Variants in CBLIF observed in about 807,000 individuals in gnomAD.
The protein encoded by CBLIF is gastric intrinsic factor (vitamin B synthesis).
A neutral mutation model predicts 44.9 loss-of-function variants in CBLIF; 24 were observed. The observed-to-expected ratio is 0.53, with a 90% CI of 0.39 to 0.75. CBLIF has a LOEUF of 0.75. Among genes scored for constraint, CBLIF ranks in the 30% least tolerant of loss-of-function variants. CBLIF has a pLI of 0.00. For synonymous variants in CBLIF, 183 were observed against 190.9 expected (o/e 0.96, Z 0.34); for missense variants, 481 against 513.0 (o/e 0.94, Z 0.60).
intron 8 of CBLIF, 93 bp downstream of exon 8, chr11:59,831,585 A>G (rs1275406693): frequency 1.4e-6 from 1 of 722,606 alleles, no homozygotes; most frequent in Non-Finnish European, 2.5e-6. Context: ...ATTATTAATT[A>G]AGTGAATGAA....
intron 5 of CBLIF, chr11:59,840,872 T>G (rs1031935842): frequency 2.8e-6 from 1 of 355,534 alleles, no homozygotes; most frequent in Non-Finnish European, 5.2e-6. Flanking sequence ...AATTAATATA[T>G]TTCTTGATTT....
intron 7 of CBLIF, among the ~76,000 whole-genome samples, chr11:59,835,270 C>T (rs960002970): frequency 1.3e-5 from 2 of 151,920 alleles, no homozygotes; most frequent in Non-Finnish European, 2.9e-5. Flanking sequence ...CTCAGCCTCC[C>T]GAGTAGATGG....
rs772958661 is a variant in CBLIF, at chr11:59,842,442, C to T, written c.511+1G>A. On this transcript the variant is annotated splice_donor_variant, in intron 4 of 8. Coordinates refer to ENST00000257248, the MANE Select transcript of CBLIF (RefSeq NM_005142.3). LOFTEE classifies it high-confidence loss of function. ...GCTCGGGGTAGTGGTGACCTACTCACCTACATTGAAGGGAGAGGAGTTGGC... is the reference window on the plus strand; with the variant it reads ...GCTCGGGGTAGTGGTGACCTACTCATCTACATTGAAGGGAGAGGAGTTGGC... The T allele has an allele frequency of 1.2e-6, 2 of 1,613,602 alleles. No homozygotes were observed. Among genetic ancestry groups the T allele is most frequent in the East Asian group, 4.5e-5 (2 of 44,878 alleles).
At position 59,838,163 on chromosome 11, in the gene CBLIF, A is replaced by AT. The variant is rs113467307; in HGVS notation, c.694-813dup. Among the ~76,000 whole-genome samples the AT allele has an allele frequency of 5.5e-3, 835 of 152,082 alleles. 6 individuals are homozygous for AT. The highest frequency in any genetic ancestry group is 8.7e-3 in the Non-Finnish European group (593 of 67,994). Reference sequence around the variant, plus strand: ...CAGTGTATGTGAATAGTAAATCCTCATTTTTTTCTTGAGCTAAAAGGATTT... The same window carrying AT: ...CAGTGTATGTGAATAGTAAATCCTCATTTTTTTTCTTGAGCTAAAAGGATTT... On this transcript the variant is annotated intron_variant, in intron 5 of 8. Transcript: ENST00000257248.
At position 59,829,453 on chromosome 11, in the gene CBLIF, A is replaced by G. The variant is rs1371841341; in HGVS notation, c.*31T>C. 2.8e-6 allele frequency: 4 copies of G among 1,448,872 alleles called. No homozygotes were observed. Among genetic ancestry groups the G allele is most frequent in the Non-Finnish European group, 3.9e-6 (4 of 1,028,990 alleles). 89.8% of individuals were successfully genotyped at this position (1,448,872 alleles called of 1,614,324 possible). A position where few individuals can be genotyped will look rare whatever the true frequency, so the allele number is the denominator to read the frequency against. On this transcript the variant is annotated 3_prime_UTR_variant, in exon 9 of 9. Transcript: ENST00000257248. ...AAAAAATTTCACCCATCCTTTGGAG[A>G]TGTTTGATAGAAGCTGAACCCACCT...
rs780716026 is a variant in CBLIF, at chr11:59,841,204, C to A, written c.632G>T (p.Ser211Ile). 1.2e-6 allele frequency: 2 copies of A among 1,613,578 alleles called. No homozygotes were observed. The highest frequency in any genetic ancestry group is 1.7e-6 in the Non-Finnish European group (2 of 1,179,456). The change falls in exon 5 of 9, where the codon AGC becomes ATC. Residue 211 changes from serine (S) to isoleucine (I), a missense_variant. Physicochemically the swap from Ser to Ile is moderately radical, Grantham distance 142 (BLOSUM62 -2). Coordinates refer to ENST00000257248, the MANE Select transcript of CBLIF (RefSeq NM_005142.3). ...GATGCCATTATCTTTGATCTTCATG[C>A]TGATTTTCTCCACAATATCCTTTAG... ...QVLKDIVEKI[S>I]MKIKDNGIIG...
At position 59,845,481 on chromosome 11, in the gene CBLIF, C is replaced by G; in HGVS notation, c.-28G>C. ...CACTCTCTCGTCTATGTCTCTCATC[C>G]ACAGGTACCGCGATTTGCAAGTGGA... On this transcript the variant is annotated 5_prime_UTR_variant, in exon 1 of 9. Coordinates refer to ENST00000257248, the MANE Select transcript of CBLIF (RefSeq NM_005142.3). 2.1e-6 allele frequency: 3 copies of G among 1,428,870 alleles called. No individual in the cohort carries two copies. The highest frequency in any genetic ancestry group is 3.0e-6 in the Non-Finnish European group (3 of 1,011,954). 88.5% of individuals were successfully genotyped at this position (1,428,870 alleles called of 1,614,324 possible). A position where few individuals can be genotyped will look rare whatever the true frequency, so the allele number is the denominator to read the frequency against.
rs1409277085 is a variant in CBLIF at position 59,831,151 on chromosome 11, CA to C, written c.1192+526del. ...TTTAATATGTGTGCAAAAGCTTTAA[CA>C]AATGTTAAGGTTTTGCTGAAGTCTG... On this transcript the variant is annotated intron_variant, in intron 8 of 8. Coordinates refer to ENST00000257248, the MANE Select transcript of CBLIF (RefSeq NM_005142.3). 2.6e-5 allele frequency among the ~76,000 whole-genome samples: 4 copies of C among 152,200 alleles called. No homozygotes were observed. The East Asian group carries it at 7.7e-4, about 29-fold the overall frequency.
At chr11:59,843,205 A>G in intron 2 of CBLIF, 64 bp from the exon 3 acceptor site, 2 of 928,930 alleles carry the variant, frequency 2.2e-6, no homozygotes, top group Non-Finnish European at 3.6e-6. Flanking sequence ...TCCAGGAGCC[A>G]GTGATGAGTT....
rs149355084 is a variant in CBLIF, at chr11:59,837,342, C to T, written c.703G>A (p.Val235Ile). 72 of 1,611,702 alleles carry T rather than the reference C, an allele frequency of 4.5e-5. No homozygotes were observed. The highest frequency in any genetic ancestry group is 5.1e-5 in the Non-Finnish European group (60 of 1,177,910). The change falls in exon 6 of 9, where the codon GTA (valine) becomes ATA (isoleucine). Residue 235 changes from valine to isoleucine, a missense_variant. Coordinates refer to ENST00000257248, the MANE Select transcript of CBLIF (RefSeq NM_005142.3). The part of the protein sequence containing the change: ...STGLAMQALS[V>I]TPEPSKKEWN... ...TCCTTTTTAGATGGCTCAGGTGTTA[C>T]AGAGAGAGCCTGGGAAGGAAGACAG...
chr11:59,831,688 A>G lies in CBLIF; in HGVS notation c.1182T>C (p.Pro394=), dbSNP rs762929412. 7.0e-7 allele frequency: 1 copy of G among 1,434,016 alleles called. No individual in the cohort carries two copies. The highest frequency in any genetic ancestry group is 1.1e-5 in the South Asian group (1 of 87,380). The allele number at this position is 1,434,016 out of a possible 1,614,324, so 88.8% of individuals were successfully genotyped here. ...TYWQFLSGVT[P]LNEGVADYIP... ...CTTTTCTTCCCTCACCTTCATTCAA[A>G]GGTGTTACACCACTAAGAAACTGCC... is the stretch of plus-strand genomic sequence containing the variant. The change falls in exon 8 of 9, where the codon CCT becomes CCC. Residue 394 remains proline (P), a synonymous_variant. Transcript: ENST00000257248.
intron 7 of CBLIF, among the ~76,000 whole-genome samples, chr11:59,834,956 G>C (rs751720416): frequency 6.6e-6 from 1 of 151,856 alleles, no homozygotes; most frequent in African/African-American, 2.4e-5. Context: ...CTATTCTCAC[G>C]ACCTAAGCAA....
intron 5 of CBLIF, among the ~76,000 whole-genome samples, chr11:59,838,644 G>A (rs1485987256): frequency 6.6e-6 from 1 of 152,088 alleles, no homozygotes; most frequent in Non-Finnish European, 1.5e-5. Flanking sequence ...TTGCTTTAAG[G>A]GCCATCAGGT....
At chr11:59,830,210 T>G (rs183479017) in intron 8 of CBLIF, among the ~76,000 whole-genome samples, 23 of 151,546 alleles carry the variant, frequency 1.5e-4, no homozygotes, top group Admixed American at 1.5e-3. Flanking sequence ...ATGCCTGATT[T>G]AAGTTCCTGG....
rs115964827 is a variant in CBLIF, at chr11:59,843,888, C to T, written c.247G>A (p.Asp83Asn). 1,750 of 1,612,420 alleles carry T rather than the reference C, an allele frequency of 1.1e-3. 13 individuals carry two copies. The African/African-American group carries it at 0.019, about 18-fold the overall frequency. ...GGCTCAGATGTCTCACCGTTGTTGT[C>T]GCTGGACATGAGCTGGTAAGTCAGG... ...KLLTYQLMSSDNNDLTIGQLG... is the reference protein window; with the variant it reads ...KLLTYQLMSSNNNDLTIGQLG... The change falls in exon 2 of 9, where the codon GAC becomes AAC. Residue 83 changes from aspartate to asparagine, a missense_variant. Coordinates refer to ENST00000257248, the MANE Select transcript of CBLIF (RefSeq NM_005142.3).
intron 7 of CBLIF, among the ~76,000 whole-genome samples, chr11:59,835,007 A>G (rs1216498330): frequency 6.6e-6 from 1 of 152,196 alleles, no homozygotes; most frequent in African/African-American, 2.4e-5. Flanking sequence ...AACTTGCAAA[A>G]TGAAGTTCAG....
At chr11:59,838,740 A>G (rs1866485291) in intron 5 of CBLIF, among the ~76,000 whole-genome samples, 2 of 152,172 alleles carry the variant, frequency 1.3e-5, no homozygotes, top group Non-Finnish European at 2.9e-5. Context: ...TTGGGATTAC[A>G]CATCACCAAT....
rs778943010 is a variant in CBLIF, at chr11:59,843,180, C to T, written c.257-39G>A. On this transcript the variant is annotated intron_variant, in intron 2 of 8. Transcript: ENST00000257248. ...AACACAACGGTTAGACAGAGACATC[C>T]TCAGGGGACAGCTCTCCAGGAGCCA... 3 of 1,233,606 alleles carry T rather than the reference C, an allele frequency of 2.4e-6. No individual in the cohort carries two copies. In the East Asian group the frequency reaches 7.0e-5, roughly 29 times the overall value. The allele number at this position is 1,233,606 out of a possible 1,614,324, so 76.4% of individuals were successfully genotyped here. A position where few individuals can be genotyped will look rare whatever the true frequency, so the allele number is the denominator to read the frequency against.
rs537424617 is a variant in CBLIF, at chr11:59,831,763, G to A, written c.1107C>T (p.Val369=). ...FETTMTSWGL[V]VSSINNIAEN... Reference sequence around the variant, plus strand: ...CCGCGATATTGTTGATAGAAGAGACGACAAGGCCCCAAGATGTCATTGTGG... The same window carrying A: ...CCGCGATATTGTTGATAGAAGAGACAACAAGGCCCCAAGATGTCATTGTGG... Residue 369 remains valine (V), a synonymous_variant, in exon 8 of 9, where the codon GTC becomes GTT. Transcript: ENST00000257248. 1.9e-5 allele frequency: 31 copies of A among 1,604,512 alleles called. No individual in the cohort carries two copies. The African/African-American group carries it at 2.4e-4, about 12-fold the overall frequency.
Sources: gnomAD v4.1 joint callset for allele counts (sites outside exome capture counted in the v4.1 genomes callset) on GRCh38, gnomAD v4.1.1 for gene constraint, MANE v1.5 for transcripts, NCBI Gene and HGNC (gene_info 2026-07-23, HGNC 2026-07-21) for gene names.